Variants in ARHGAP32 observed in about 807,000 individuals in gnomAD.
ARHGAP32 encodes rho GTPase-activating protein 32.
In ARHGAP32, 51 loss-of-function variants were observed where a neutral mutation model predicts 186.5. That is an observed-to-expected ratio of 0.27 (90% confidence interval 0.22 to 0.35). The LOEUF (loss-of-function observed/expected upper bound fraction) is 0.35, where lower values mean the gene tolerates loss of function less well. Among genes scored for constraint, ARHGAP32 ranks in the 10% least tolerant of loss-of-function variants. ARHGAP32 has a pLI of 1.00. For missense variants in ARHGAP32, 2,186 were observed against 2,623.5 expected, an observed-to-expected ratio of 0.83 and a Z score of 3.64; for synonymous variants, 950 against 964.3, an observed-to-expected ratio of 0.99 and a Z score of 0.27.
intron 12 of ARHGAP32, among the ~76,000 whole-genome samples, chr11:128,988,340 G>C (rs1360861236): frequency 2.0e-5 from 3 of 152,162 alleles, no homozygotes; most frequent in East Asian, 1.9e-4. Context: ...AATCAAGACT[G>C]GTTCTATGTC....
intron 11 of ARHGAP32, among the ~76,000 whole-genome samples, chr11:129,006,465 A>AG (rs1194088675): frequency 2.0e-5 from 3 of 152,246 alleles, no homozygotes; most frequent in African/African-American, 7.2e-5. Flanking sequence ...ATAATGCTGT[A>AG]GTTCCTGCAG....
At chr11:129,154,842 A>G (rs1431954819) in intron 2 of ARHGAP32, among the ~76,000 whole-genome samples, 2 of 152,136 alleles carry the variant, frequency 1.3e-5, no homozygotes, top group African/African-American at 4.8e-5. Context: ...GAACTTACCC[A>G]TGTAATTAAA....
chr11:129,116,355 G>A (rs1021999093), intron 5 of ARHGAP32, among the ~76,000 whole-genome samples: 4 of 151,988 alleles, frequency 2.6e-5, no homozygotes, highest in Non-Finnish European at 5.9e-5. Context: ...TCTCAAACGA[G>A]ATACAGTGAA....
chr11:128,968,436 G>A lies in ARHGAP32; in HGVS notation c.*471C>T, dbSNP rs1258404867. Reference sequence around the variant, plus strand: ...AGACGGGGAGAATGAAGTGACAACAGTGTGTCGATCTGCGCAAGTTGTGCA... The same window carrying A: ...AGACGGGGAGAATGAAGTGACAACAATGTGTCGATCTGCGCAAGTTGTGCA... On this transcript the variant is annotated 3_prime_UTR_variant, in exon 23 of 23. Coordinates refer to ENST00000682385, the MANE Select transcript of ARHGAP32 (RefSeq NM_001378024.1). 1 of 152,468 alleles carries A rather than the reference G, an allele frequency of 6.6e-6. No homozygotes were observed. Among genetic ancestry groups the A allele is most frequent in the Non-Finnish European group, 1.5e-5 (1 of 68,206 alleles). 9.4% of individuals were successfully genotyped at this position (152,468 alleles called of 1,614,324 possible). A position where few individuals can be genotyped will look rare whatever the true frequency, so the allele number is the denominator to read the frequency against.
chr11:129,112,574 A>T (rs1230031884), intron 5 of ARHGAP32, among the ~76,000 whole-genome samples: 1 of 152,084 alleles, frequency 6.6e-6, no homozygotes, highest in African/African-American at 2.4e-5. Flanking sequence ...TTCCATGCAG[A>T]TATCCTTTCT....
chr11:129,255,357 C>G (rs1010023295), intron 1 of ARHGAP32, among the ~76,000 whole-genome samples: 1 of 152,032 alleles, frequency 6.6e-6, no homozygotes, highest in Non-Finnish European at 1.5e-5. Flanking sequence ...CTGTGACCCC[C>G]AACTCACATC....
chr11:129,037,230 C>T (rs1382781598), intron 11 of ARHGAP32, among the ~76,000 whole-genome samples: 2 of 152,196 alleles, frequency 1.3e-5, no homozygotes, highest in Admixed American at 6.5e-5. Flanking sequence ...GGCCTAGTGG[C>T]TCATGCCTAT....
At chr11:129,170,605 T>C (rs1943739633) in intron 1 of ARHGAP32, among the ~76,000 whole-genome samples, 1 of 152,212 alleles carries the variant, frequency 6.6e-6, no homozygotes. Flanking sequence ...GTTGGTTCCA[T>C]GTCTCTGCTG....
chr11:129,045,552 T>G (rs754437719), intron 10 of ARHGAP32, among the ~76,000 whole-genome samples: 9 of 150,656 alleles, frequency 6.0e-5, no homozygotes, highest in Non-Finnish European at 1.2e-4. Context: ...GGAACTAACT[T>G]TAAAAGTACA....
At chr11:129,218,703 A>G (rs1404505868) in intron 1 of ARHGAP32, among the ~76,000 whole-genome samples, 2 of 151,958 alleles carry the variant, frequency 1.3e-5, no homozygotes, top group African/African-American at 2.4e-5. Context: ...CGTCTGACGC[A>G]CTGGAGAACT....
chr11:129,243,237 C>G (rs57290611), intron 1 of ARHGAP32, among the ~76,000 whole-genome samples: 2,111 of 152,252 alleles, frequency 0.014, 52 homozygotes, highest in African/African-American at 0.048. Flanking sequence ...AACCCAAGAG[C>G]TAGTTTTAAC....
At chr11:129,164,231 T>C (rs1943588389) in intron 2 of ARHGAP32, 88 bp downstream of exon 2, 1 of 792,760 alleles carries the variant, frequency 1.3e-6, no homozygotes, top group East Asian at 2.7e-5. Flanking sequence ...AAATTTTTTG[T>C]GTAATGTGTC....
chr11:129,011,140 C>T (rs1172739213), intron 11 of ARHGAP32, among the ~76,000 whole-genome samples: 2 of 152,124 alleles, frequency 1.3e-5, no homozygotes, highest in East Asian at 3.9e-4. Context: ...ACGGATATAG[C>T]CAGCATTTAC....
At chr11:129,048,882 T>C (rs983780038) in intron 10 of ARHGAP32, among the ~76,000 whole-genome samples, 7 of 151,560 alleles carry the variant, frequency 4.6e-5, no homozygotes, top group South Asian at 2.1e-4. Context: ...GAAAGACACA[T>C]AGAAAAAAAA....
intron 11 of ARHGAP32, among the ~76,000 whole-genome samples, chr11:129,015,033 T>C (rs1399330252): frequency 6.6e-6 from 1 of 152,216 alleles, no homozygotes; most frequent in Non-Finnish European, 1.5e-5. Context: ...AATTTTTCTC[T>C]AGACAACTAT....
chr11:129,088,067 T>G (rs1173103072), intron 6 of ARHGAP32, among the ~76,000 whole-genome samples: 3 of 152,236 alleles, frequency 2.0e-5, no homozygotes, highest in Non-Finnish European at 4.4e-5. Flanking sequence ...ATTCATGAAG[T>G]GATTTCTTTC....
chr11:129,130,498 A>T (rs889775461), intron 2 of ARHGAP32, among the ~76,000 whole-genome samples: 1 of 152,092 alleles, frequency 6.6e-6, no homozygotes, highest in Non-Finnish European at 1.5e-5. Flanking sequence ...CTCAACATAT[A>T]TAAAGAAATC....
chr11:129,279,121 C>A (rs1354124210), intron 1 of ARHGAP32: 1 of 146,858 alleles, frequency 6.8e-6, no homozygotes, highest in South Asian at 1.8e-4. Context: ...CCGGCGCCCC[C>A]GGCCCTCCCG....
intron 1 of ARHGAP32, among the ~76,000 whole-genome samples, chr11:129,190,371 T>C (rs1251455765): frequency 6.6e-6 from 1 of 152,188 alleles, no homozygotes; most frequent in Non-Finnish European, 1.5e-5. Context: ...TTTGTTACAT[T>C]TGTAAATAAA....
Sources: gnomAD v4.1 joint callset for allele counts (sites outside exome capture counted in the v4.1 genomes callset) on GRCh38, gnomAD v4.1.1 for gene constraint, MANE v1.5 for transcripts, NCBI Gene and HGNC (gene_info 2026-07-23, HGNC 2026-07-21) for gene names.